PGM5: variants seen among roughly 807,000 people sequenced by gnomAD.
PGM5 encodes the protein phosphoglucomutase 5.
In PGM5, 23 loss-of-function variants were observed where a neutral mutation model predicts 59.2. The observed-to-expected ratio is 0.39, with a 90% CI of 0.28 to 0.55. The LOEUF (loss-of-function observed/expected upper bound fraction) is 0.55, where lower values mean the gene tolerates loss of function less well. PGM5 is among the 20% of genes least tolerant of loss of function. The pLI, the probability that PGM5 is intolerant of heterozygous loss-of-function variation, is 0.66. For synonymous variants in PGM5, 214 were observed against 286.0 expected, an observed-to-expected ratio of 0.75 and a Z score of 2.54; for missense variants, 574 against 748.3, an observed-to-expected ratio of 0.77 and a Z score of 2.72.
chr9:68,519,812 G>A (rs1824871792), intron 10 of PGM5, among the ~76,000 whole-genome samples: 1 of 151,626 alleles, frequency 6.6e-6, no homozygotes, highest in Admixed American at 6.6e-5. Context: ...TGTAATCCCA[G>A]CACTTTCAGA....
At chr9:68,394,477 A>G (rs1187419640) in intron 6 of PGM5, 1 of 152,214 alleles carries the variant, frequency 6.6e-6, no homozygotes, top group Non-Finnish European at 1.5e-5. Context: ...CTCTGTCTCA[A>G]CAACAACAAC....
intron 6 of PGM5, among the ~76,000 whole-genome samples, chr9:68,439,410 T>A (rs1823490951): frequency 6.8e-6 from 1 of 146,472 alleles, no homozygotes; most frequent in Non-Finnish European, 1.5e-5. Context: ...CTTATATATA[T>A]AAATATATAT....
chr9:68,430,305 T>C (rs2132055309), intron 6 of PGM5, among the ~76,000 whole-genome samples: 1 of 152,358 alleles, frequency 6.6e-6, no homozygotes, highest in Middle Eastern at 3.4e-3. Context: ...CTGCAGTGGA[T>C]GTGCGTGAGC....
At chr9:68,513,891 A>T (rs1824787660) in intron 10 of PGM5, among the ~76,000 whole-genome samples, 1 of 152,116 alleles carries the variant, frequency 6.6e-6, no homozygotes, top group Non-Finnish European at 1.5e-5. Context: ...GCTGGCTCTG[A>T]CTCATATCAG....
chr9:68,362,963 G>A (rs1834609581), intron 1 of PGM5, among the ~76,000 whole-genome samples: 1 of 148,550 alleles, frequency 6.7e-6, no homozygotes, highest in Admixed American at 6.8e-5. Context: ...CCGCCTCCTG[G>A]GTTCCAGTGA....
intron 6 of PGM5, among the ~76,000 whole-genome samples, chr9:68,419,175 A>G (rs558573001): frequency 6.6e-6 from 1 of 152,254 alleles, no homozygotes; most frequent in African/African-American, 2.4e-5. Context: ...ATTTTTAATT[A>G]GGAGTAAGAT....
chr9:68,364,181 T>C (rs1317054178), intron 1 of PGM5, among the ~76,000 whole-genome samples: 2 of 151,412 alleles, frequency 1.3e-5, no homozygotes, highest in African/African-American at 4.8e-5. Flanking sequence ...ACTAGGAAGC[T>C]GAAATGCAGT....
chr9:68,468,288 A>C (rs1434298212), intron 7 of PGM5, among the ~76,000 whole-genome samples: 2 of 152,168 alleles, frequency 1.3e-5, no homozygotes, highest in Non-Finnish European at 2.9e-5. Flanking sequence ...GCTTATATAG[A>C]CTATTGTTCC....
intron 8 of PGM5, among the ~76,000 whole-genome samples, chr9:68,480,122 A>G (rs1305052674): frequency 6.6e-6 from 1 of 152,222 alleles, no homozygotes; most frequent in African/African-American, 2.4e-5. Flanking sequence ...TCTCAAGAGG[A>G]ACTCTGAACT....
chr9:68,414,491 C>T (rs1587800674), intron 6 of PGM5, among the ~76,000 whole-genome samples: 1 of 152,096 alleles, frequency 6.6e-6, no homozygotes, highest in African/African-American at 2.4e-5. Context: ...CATGTGCTCC[C>T]GCTGTCAGTC....
intron 10 of PGM5, among the ~76,000 whole-genome samples, chr9:68,525,148 G>T (rs1452049174): frequency 6.6e-6 from 1 of 151,470 alleles, no homozygotes; most frequent in Non-Finnish European, 1.5e-5. Flanking sequence ...TATCAGAGGA[G>T]TGATTTCTAA....
At chr9:68,406,477 A>T (rs1424651140) in intron 6 of PGM5, 2 of 149,408 alleles carry the variant, frequency 1.3e-5, no homozygotes, top group Non-Finnish European at 3.0e-5. Flanking sequence ...ATGGTAACTC[A>T]TTAATCCACT....
In PGM5 at chr9:68,356,748, C is replaced by T. The variant is rs1193987605; in HGVS notation, c.-380C>T. Among the ~76,000 whole-genome samples the T allele has an allele frequency of 6.6e-6, 1 of 152,190 alleles. No homozygotes were observed. Among genetic ancestry groups the T allele is most frequent in the Admixed American group, 6.5e-5 (1 of 15,284 alleles). Reference sequence around the variant, plus strand: ...GGCGATCGCGGGTGAAGGCTGGGGCCAGGCGCGGGTGGAGGCGTCACCGGG... The same window carrying T: ...GGCGATCGCGGGTGAAGGCTGGGGCTAGGCGCGGGTGGAGGCGTCACCGGG... On this transcript the variant is annotated 5_prime_UTR_variant, in exon 1 of 11. Transcript: ENST00000396396.
chr9:68,436,204 A>G (rs995371893), intron 6 of PGM5, among the ~76,000 whole-genome samples: 4 of 152,222 alleles, frequency 2.6e-5, no homozygotes, highest in Non-Finnish European at 5.9e-5. Flanking sequence ...AATGTAGCCT[A>G]TTACAAACTG....
chr9:68,432,303 A>G (rs1317829012), intron 6 of PGM5, among the ~76,000 whole-genome samples: 3 of 146,202 alleles, frequency 2.1e-5, no homozygotes, highest in Non-Finnish European at 4.5e-5. Context: ...GGGTTCCAGC[A>G]ATTCTCCTGT....
intron 3 of PGM5, among the ~76,000 whole-genome samples, chr9:68,386,122 G>A (rs1242193934): frequency 1.3e-5 from 2 of 151,682 alleles, no homozygotes; most frequent in Non-Finnish European, 2.9e-5. Flanking sequence ...ATTTAGGCAA[G>A]TGGTTCAAGA....
chr9:68,384,956 G>C (rs1822177358), intron 3 of PGM5, among the ~76,000 whole-genome samples: 2 of 151,780 alleles, frequency 1.3e-5, no homozygotes, highest in African/African-American at 4.8e-5. Context: ...CCATAACCAA[G>C]CTTGGAATAA....
At position 68,406,700 on chromosome 9, in the gene PGM5, A is replaced by G. The variant is rs1175700590; in HGVS notation, c.1043+14227A>G. ...TATGTATATATATATATATATATAT[A>G]TATATATATATATATATATATATAT... On this transcript the variant is annotated intron_variant, in intron 6 of 10. Transcript: ENST00000396396. Among the ~76,000 whole-genome samples, 13 of 85,540 alleles carry G rather than the reference A, an allele frequency of 1.5e-4. 2 individuals carry two copies. The highest frequency in any genetic ancestry group is 4.1e-4 in the South Asian group (1 of 2,444). 56.1% of individuals were successfully genotyped at this position (85,540 alleles called of 152,430 possible).
At chr9:68,516,807 G>A (rs925171013) in intron 10 of PGM5, among the ~76,000 whole-genome samples, 4 of 152,166 alleles carry the variant, frequency 2.6e-5, no homozygotes, top group African/African-American at 9.7e-5. Context: ...TAGGAGGGCT[G>A]GGTTGAGTGG....
Sources: gnomAD v4.1 joint callset for allele counts (sites outside exome capture counted in the v4.1 genomes callset) on GRCh38, gnomAD v4.1.1 for gene constraint, MANE v1.5 for transcripts, NCBI Gene and HGNC (gene_info 2026-07-23, HGNC 2026-07-21) for gene names.